Variants in ANKFY1 observed in about 807,000 individuals in gnomAD.
The protein encoded by ANKFY1 is ankyrin repeat and FYVE domain-containing protein 1.
ANKFY1 carries 47 observed loss-of-function variants against 128.3 expected under a neutral mutation model. The ratio of observed to expected loss-of-function variants is 0.37; its 90% confidence interval spans 0.29 to 0.47. ANKFY1 has a LOEUF of 0.47. ANKFY1 is among the 20% of genes least tolerant of loss of function. ANKFY1 has a pLI of 1.00. For missense variants in ANKFY1, 1,222 were observed against 1,510.6 expected, an observed-to-expected ratio of 0.81 and a Z score of 3.17; for synonymous variants, 553 against 601.6, an observed-to-expected ratio of 0.92 and a Z score of 1.18.
chr17:4,190,262 GA>G (rs1433210021), intron 10 of ANKFY1, among the ~76,000 whole-genome samples: 8 of 152,136 alleles, frequency 5.3e-5, no homozygotes, highest in African/African-American at 1.4e-4. Flanking sequence ...CCGACATGGT[GA>G]AAACCTGTCT....
At chr17:4,249,336 C>A (rs1050901239) in intron 1 of ANKFY1, 3 of 152,634 alleles carry the variant, frequency 2.0e-5, no homozygotes, top group Non-Finnish European at 4.4e-5. Flanking sequence ...AATGGAATTT[C>A]ATATAATTTT....
At chr17:4,197,713 CTG>C (rs1934698189) in intron 7 of ANKFY1, 136 bp from the exon 8 acceptor site, 1 of 776,904 alleles carries the variant, frequency 1.3e-6, no homozygotes, top group African/African-American at 1.7e-5. Flanking sequence ...CTTGGGGCAT[CTG>C]TAAGTGGAAA....
At chr17:4,251,252 AAACT>A (rs1471402282) in intron 1 of ANKFY1, among the ~76,000 whole-genome samples, 1 of 152,176 alleles carries the variant, frequency 6.6e-6, no homozygotes, top group East Asian at 1.9e-4. Context: ...CTACATATAA[AAACT>A]AACTCAAAAT....
Position 4,184,975 on chromosome 17 carries a change from G to C in ANKFY1, c.1542C>G (p.Gly514=), listed in dbSNP as rs890083527. ...ANLTAELLQQ[G]ANPNLQTEEA... is the part of the protein sequence containing the mutation. ...CCTCCGTCTGCAGGTTTGGGTTGGC[G>C]CCTTGCTGCAGGAGCTCTGCCGTGA... is the stretch of plus-strand genomic sequence containing the variant. The change falls in exon 12 of 25, where the codon GGC becomes GGG. Residue 514 remains glycine, a synonymous_variant. Coordinates refer to ENST00000341657, the MANE Select transcript of ANKFY1 (RefSeq NM_001330063.2). 6.2e-7 allele frequency: 1 copy of C among 1,613,852 alleles called. No individual in the cohort carries two copies. The highest frequency in any genetic ancestry group is 1.7e-5 in the Admixed American group (1 of 60,010).
chr17:4,261,680 C>T (rs545808101), intron 1 of ANKFY1, among the ~76,000 whole-genome samples: 49 of 152,362 alleles, frequency 3.2e-4, no homozygotes, highest in African/African-American at 1.0e-3. Flanking sequence ...CTCCTCAGGG[C>T]TGGAACCCGA....
At position 4,196,988 on chromosome 17, in the gene ANKFY1, G is replaced by A. The variant is rs150205426; in HGVS notation, c.1103+385C>T. ...ACAAAAATCAGCCAAGTGGGGTGGC[G>A]TGTGCCTGTAGTCTCACCTACTCAG... On this transcript the variant is annotated intron_variant, in intron 8 of 24. Coordinates refer to ENST00000341657, the MANE Select transcript of ANKFY1 (RefSeq NM_001330063.2). 2.3e-3 allele frequency among the ~76,000 whole-genome samples: 355 copies of A among 152,272 alleles called. 3 individuals are homozygous for A. The highest frequency in any genetic ancestry group is 8.1e-3 in the African/African-American group (338 of 41,542).
chr17:4,175,693 G>A (rs528454355), intron 19 of ANKFY1, among the ~76,000 whole-genome samples: 49 of 152,250 alleles, frequency 3.2e-4, no homozygotes, highest in African/African-American at 1.2e-3. Context: ...TAAGACATAT[G>A]AGTGGATATG....
chr17:4,229,234 G>A lies in ANKFY1; in HGVS notation c.322+6538C>T, dbSNP rs531926923. Among the ~76,000 whole-genome samples, 11 of 152,202 alleles carry A rather than the reference G, an allele frequency of 7.2e-5. No individual in the cohort carries two copies. The South Asian group carries it at 2.1e-3, about 29-fold the overall frequency. ...AGGTCAGGAGTTCAAGACCGGCATG[G>A]CCAACGTGGCAAAACCCCATCTCTA... is the stretch of plus-strand genomic sequence containing the variant. On this transcript the variant is annotated intron_variant, in intron 3 of 24. Transcript: ENST00000341657.
intron 11 of ANKFY1, among the ~76,000 whole-genome samples, chr17:4,185,530 CTG>C (rs2059595948): frequency 1.3e-5 from 2 of 151,988 alleles, no homozygotes; most frequent in African/African-American, 4.8e-5. Flanking sequence ...CAGCATCTCG[CTG>C]TGTTGCCCAG....
chr17:4,215,197 G>A (rs2060200097), intron 4 of ANKFY1, among the ~76,000 whole-genome samples: 2 of 151,260 alleles, frequency 1.3e-5, no homozygotes, highest in South Asian at 4.2e-4. Context: ...GCTGAGGCAG[G>A]AGAATCGCTT....
At chr17:4,224,941 G>GTTT (rs963635669) in intron 3 of ANKFY1, among the ~76,000 whole-genome samples, 25 of 131,998 alleles carry the variant, frequency 1.9e-4, no homozygotes, top group African/African-American at 7.0e-4. Flanking sequence ...TTGAGTTGTC[G>GTTT]TTTTTTTTTT....
chr17:4,218,965 CACACACT>C (rs1272357904), intron 3 of ANKFY1, among the ~76,000 whole-genome samples: 13 of 152,152 alleles, frequency 8.5e-5, no homozygotes, highest in African/African-American at 1.7e-4. Flanking sequence ...ATAATACCTA[CACACACT>C]ACACACTACA....
At chr17:4,258,859 A>C (rs1222600616) in intron 1 of ANKFY1, among the ~76,000 whole-genome samples, 1 of 152,228 alleles carries the variant, frequency 6.6e-6, no homozygotes, top group Non-Finnish European at 1.5e-5. Context: ...TGTTGTCAAA[A>C]GTATTTTTCT....
intron 1 of ANKFY1, among the ~76,000 whole-genome samples, chr17:4,255,829 T>C (rs927362738): frequency 2.0e-5 from 3 of 151,830 alleles, no homozygotes; most frequent in Non-Finnish European, 4.4e-5. Flanking sequence ...TTTTTTTTTT[T>C]CTTTTGAAAC....
At chr17:4,193,419 C>CTTTTTTTT (rs34747890) in intron 10 of ANKFY1, among the ~76,000 whole-genome samples, 1 of 108,278 alleles carries the variant, frequency 9.2e-6, no homozygotes, top group Non-Finnish European at 1.8e-5. Context: ...CCAGTCGACT[C>CTTTTTTTT]TTTTTTTTTT....
At chr17:4,205,928 C>T (rs4790184) in intron 7 of ANKFY1, among the ~76,000 whole-genome samples, 144,145 of 152,298 alleles carry the variant, frequency 0.95, 68,732 homozygotes, top group East Asian at 1. Flanking sequence ...GCTAAGAACA[C>T]GTTTCAAGGT....
intron 1 of ANKFY1, among the ~76,000 whole-genome samples, chr17:4,251,331 C>T (rs1967814867): frequency 6.6e-6 from 1 of 151,982 alleles, no homozygotes; most frequent in African/African-American, 2.4e-5. Flanking sequence ...CCCAGCTACT[C>T]AGGAGGCTGG....
intron 1 of ANKFY1, among the ~76,000 whole-genome samples, chr17:4,242,942 T>TAGAAAAGTC (rs1325514241): frequency 6.6e-6 from 1 of 152,238 alleles, no homozygotes; most frequent in Non-Finnish European, 1.5e-5. Flanking sequence ...GAGAAAAGGC[T>TAGAAAAGTC]ACCAAAATCA....
chr17:4,191,371 G>C (rs914338612), intron 10 of ANKFY1: 9 of 151,966 alleles, frequency 5.9e-5, no homozygotes, highest in African/African-American at 2.2e-4. Flanking sequence ...CTCATCTGGA[G>C]ACTCCTAGTT....
Sources: allele counts gnomAD v4.1 joint callset (sites outside exome capture counted in the v4.1 genomes callset), GRCh38; gene constraint gnomAD v4.1.1; transcripts MANE v1.5; gene names NCBI Gene and HGNC (gene_info 2026-07-23, HGNC 2026-07-21).